QSOX1: variants seen among roughly 807,000 people sequenced by gnomAD.
The protein encoded by QSOX1 is quiescin sulfhydryl oxidase 1.
In QSOX1, 40 loss-of-function variants were observed where a neutral mutation model predicts 76.1. The ratio of observed to expected loss-of-function variants is 0.53; its 90% CI spans 0.41 to 0.68. The LOEUF is 0.68. Among genes scored for constraint, QSOX1 ranks in the 30% least tolerant of loss-of-function variants. The pLI, the probability that QSOX1 is intolerant of heterozygous loss-of-function variation, is 0.00. For missense variants in QSOX1, 931 were observed against 974.3 expected, an observed-to-expected ratio of 0.96 and a Z score of 0.59; for synonymous variants, 392 against 413.1, an observed-to-expected ratio of 0.95 and a Z score of 0.62.
intron 1 of QSOX1, among the ~76,000 whole-genome samples, chr1:180,157,934 C>T (rs1283203137): frequency 6.6e-6 from 1 of 152,164 alleles, no homozygotes; most frequent in Non-Finnish European, 1.5e-5. Flanking sequence ...CTTATGGGAA[C>T]CCAGGGGAGG....
chr1:180,186,824 C>T (rs938533631), intron 8 of QSOX1, among the ~76,000 whole-genome samples: 4 of 152,252 alleles, frequency 2.6e-5, no homozygotes, highest in African/African-American at 9.6e-5. Flanking sequence ...TTCGTTCTGC[C>T]AGCCTGAAAG....
chr1:180,188,695 C>A (rs1380381600), intron 8 of QSOX1, among the ~76,000 whole-genome samples: 1 of 152,224 alleles, frequency 6.6e-6, no homozygotes. Flanking sequence ...TGTTCAGTTA[C>A]CATTCGTGTC....
chr1:180,193,596 A>G (rs1558193632), intron 10 of QSOX1, among the ~76,000 whole-genome samples: 1 of 145,492 alleles, frequency 6.9e-6, no homozygotes, highest in Non-Finnish European at 1.5e-5. Flanking sequence ...GTGTTGGATT[A>G]GGAGTGGTGT....
At chr1:180,162,230 A>G (rs1461849604) in intron 1 of QSOX1, among the ~76,000 whole-genome samples, 1 of 152,224 alleles carries the variant, frequency 6.6e-6, no homozygotes, top group African/African-American at 2.4e-5. Context: ...ATATAACTCA[A>G]AGAAGATTAA....
intron 7 of QSOX1, among the ~76,000 whole-genome samples, chr1:180,185,207 C>T (rs1404420248): frequency 6.6e-6 from 1 of 152,142 alleles, no homozygotes; most frequent in Non-Finnish European, 1.5e-5. Flanking sequence ...TCTTTCCAAC[C>T]TCAGGAGGTT....
In QSOX1 at chr1:180,197,960, C is replaced by T. The variant is rs1344145535; in HGVS notation, c.*923C>T. Reference sequence around the variant, plus strand: ...TTAGAAGGGTCTGGCGGGGGCAGTGCCTTACACATGCTTGATTCCCACGCT... The same window carrying T: ...TTAGAAGGGTCTGGCGGGGGCAGTGTCTTACACATGCTTGATTCCCACGCT... On this transcript the variant is annotated 3_prime_UTR_variant, in exon 12 of 12. Coordinates refer to ENST00000367602, the MANE Select transcript of QSOX1 (RefSeq NM_002826.5). The T allele has an allele frequency of 2.5e-5, 9 of 354,260 alleles. No individual in the cohort carries two copies. The highest frequency in any genetic ancestry group is 1.2e-4 in the South Asian group (6 of 48,362). The allele number at this position is 354,260 out of a possible 1,614,324, so 21.9% of individuals were successfully genotyped here.
At chr1:180,192,770 G>A (rs944424104) in intron 10 of QSOX1, among the ~76,000 whole-genome samples, 1 of 152,156 alleles carries the variant, frequency 6.6e-6, no homozygotes, top group African/African-American at 2.4e-5. Flanking sequence ...CCAGGGAGAG[G>A]TGGGGAATAG....
At chr1:180,180,184 A>G (rs1170346462) in intron 5 of QSOX1, among the ~76,000 whole-genome samples, 1 of 152,262 alleles carries the variant, frequency 6.6e-6, no homozygotes, top group Non-Finnish European at 1.5e-5. Context: ...TTCTCCAGCT[A>G]CAAGATAGGA....
chr1:180,182,080 C>A, intron 5 of QSOX1, 94 bp from the exon 6 acceptor site: 1 of 1,295,770 alleles, frequency 7.7e-7, no homozygotes, highest in Non-Finnish European at 1.1e-6. Flanking sequence ...GCACAGCTGC[C>A]ATCTGGGTGC....
rs1663662620 is a variant in QSOX1, at chr1:180,202,849, T to G, written c.*5812T>G. 1 of 151,830 alleles carries G rather than the reference T, an allele frequency of 6.6e-6. No individual in the cohort carries two copies. Among genetic ancestry groups the G allele is most frequent in the African/African-American group, 2.4e-5 (1 of 41,320 alleles). 9.4% of individuals were successfully genotyped at this position (151,830 alleles called of 1,614,324 possible). On this transcript the variant is annotated 3_prime_UTR_variant, in exon 12 of 12. Transcript: ENST00000367602. Reference sequence around the variant, plus strand: ...ATCCTAGCACTTTGGGAGGCCGAGGTGGGTGGATCACGAGGTCAGGAGTTT... The same window carrying G: ...ATCCTAGCACTTTGGGAGGCCGAGGGGGGTGGATCACGAGGTCAGGAGTTT...
chr1:180,184,671 T>C (rs1385940009), intron 7 of QSOX1, among the ~76,000 whole-genome samples: 1 of 152,172 alleles, frequency 6.6e-6, no homozygotes, highest in East Asian at 1.9e-4. Flanking sequence ...GACAGAGCTG[T>C]AGACCTCCTG....
rs1327414469 is a variant in QSOX1, at chr1:180,196,879, C to T, written c.2086C>T (p.Gln696Ter). The T allele has an allele frequency of 1.3e-6, 2 of 1,595,016 alleles. No homozygotes were observed. The highest frequency in any genetic ancestry group is 3.4e-5 in the Admixed American group (2 of 58,458). ...LEARAGRGRGQWLQVLGGGFS... is the reference protein window; with the variant it reads ...LEARAGRGRG ...GGCCCGAGCTGGACGGGGCCGAGGC[C>T]AGTGGCTGCAGGTGCTGGGAGGGGG... Residue 696 changes from glutamine (Q) to a stop codon, truncating the protein, a stop_gained, in exon 12 of 12, where the codon CAG becomes TAG. Transcript: ENST00000367602. LOFTEE classifies it high-confidence loss of function. The surrounding 1 kb of genome is among the most constrained non-coding windows in gnomAD (Gnocchi z 4.1).
intron 2 of QSOX1, 84 bp downstream of exon 2, chr1:180,166,675 G>A (rs1240988039): frequency 7.4e-7 from 1 of 1,355,570 alleles, no homozygotes; most frequent in African/African-American, 1.4e-5. Flanking sequence ...GGATGTGTCG[G>A]GATGGGCAGA....
chr1:180,196,599 G>C lies in QSOX1; in HGVS notation c.1806G>C (p.Glu602Asp), dbSNP rs1460301153. 3.1e-6 allele frequency: 5 copies of C among 1,614,218 alleles called. No individual in the cohort carries two copies. In the East Asian group the frequency reaches 1.1e-4, roughly 36 times the overall value. ...CACATGTGCCGGCTGAGGGACCTGA[G>C]GCAAGTCGACCCCCGAAGCTGCACC... ...TTPHVPAEGPEASRPPKLHPG... is the reference protein window; with the variant it reads ...TTPHVPAEGPDASRPPKLHPG... The change falls in exon 12 of 12, where the codon GAG (glutamate) becomes GAC (aspartate). Residue 602 changes from glutamate (E) to aspartate (D), a missense_variant. Physicochemically the swap from Glu to Asp is conservative, Grantham distance 45. Transcript: ENST00000367602. This position sits in a 1 kb window ranked among gnomAD's most constrained non-coding sequence, Gnocchi z 4.1.
rs1330397658 is a variant in QSOX1 at position 180,203,060 on chromosome 1, G to A, written c.*6023G>A. The A allele has an allele frequency of 6.6e-6, 1 of 151,936 alleles. No individual in the cohort carries two copies. Among genetic ancestry groups the A allele is most frequent in the East Asian group, 1.9e-4 (1 of 5,192 alleles). The allele number at this position is 151,936 out of a possible 1,614,324, so 9.4% of individuals were successfully genotyped here. ...CACTCCAGCCTGGGGGACAGAGCGAGACTCTGTCTCAAAAAAATAAAAAAA... is the reference window on the plus strand; with the variant it reads ...CACTCCAGCCTGGGGGACAGAGCGAAACTCTGTCTCAAAAAAATAAAAAAA... On this transcript the variant is annotated 3_prime_UTR_variant, in exon 12 of 12. Coordinates refer to ENST00000367602, the MANE Select transcript of QSOX1 (RefSeq NM_002826.5).
intron 1 of QSOX1, among the ~76,000 whole-genome samples, chr1:180,164,608 G>C (rs1197941150): frequency 6.6e-6 from 1 of 152,186 alleles, no homozygotes; most frequent in Non-Finnish European, 1.5e-5. Context: ...ATGCGTCAGG[G>C]TGTGCCAGGC....
chr1:180,175,491 C>T (rs929043261), intron 3 of QSOX1, 125 bp downstream of exon 3: 21 of 1,013,070 alleles, frequency 2.1e-5, no homozygotes, highest in East Asian at 1.2e-4. Flanking sequence ...GCGGTCCCCA[C>T]GGGAAGCCTA....
chr1:180,181,636 T>G (rs1264209034), intron 5 of QSOX1, among the ~76,000 whole-genome samples: 2 of 152,174 alleles, frequency 1.3e-5, no homozygotes, highest in East Asian at 3.8e-4. Context: ...GACTCAAGCT[T>G]CCATAAGGAA....
rs561982808 is a variant in QSOX1, at chr1:180,182,357, C to A, written c.752+38C>A. 40 of 1,611,090 alleles carry A rather than the reference C, an allele frequency of 2.5e-5. No homozygotes were observed. The Admixed American group carries it at 4.7e-4, about 19-fold the overall frequency. Reference sequence around the variant, plus strand: ...TCTCCTGGCGTCCCCTCTCGTCCCTCCCTGTGCTCATCCTTCCTTCTTGCC... The same window carrying A: ...TCTCCTGGCGTCCCCTCTCGTCCCTACCTGTGCTCATCCTTCCTTCTTGCC... On this transcript the variant is annotated intron_variant, in intron 6 of 11. Coordinates refer to ENST00000367602, the MANE Select transcript of QSOX1 (RefSeq NM_002826.5).
Sources: allele counts gnomAD v4.1 joint callset (sites outside exome capture counted in the v4.1 genomes callset), GRCh38; gene constraint gnomAD v4.1.1; non-coding constraint Gnocchi (gnomAD v3.1); transcripts MANE v1.5; gene names NCBI Gene and HGNC (gene_info 2026-07-23, HGNC 2026-07-21).